The following ARAP2 variants were observed in gnomAD, a reference collection of about 807,000 sequenced individuals.
ARAP2 encodes arf-GAP with Rho-GAP domain, ANK repeat and PH domain-containing protein 2.
ARAP2 carries 148 observed loss-of-function variants against 194.5 expected under a neutral mutation model. The ratio of observed to expected loss-of-function variants is 0.76; its 90% CI spans 0.67 to 0.87. The LOEUF is 0.87. ARAP2 is among the 40% of genes least tolerant of loss of function. The pLI, the probability that ARAP2 is intolerant of heterozygous loss-of-function variation, is 0.00. For missense variants in ARAP2, 2,128 were observed against 1,989.7 expected, an observed-to-expected ratio of 1.07 and a Z score of -1.32; for synonymous variants, 695 against 683.5, an observed-to-expected ratio of 1.02 and a Z score of -0.26.
At chr4:36,200,261 AT>A (rs796559244) in intron 6 of ARAP2, among the ~76,000 whole-genome samples, 3,122 of 147,224 alleles carry the variant, frequency 0.021, 97 homozygotes, top group African/African-American at 0.072. Flanking sequence ...TTATTTATTT[AT>A]TTTTTTTTTT....
intron 9 of ARAP2, among the ~76,000 whole-genome samples, chr4:36,171,853 A>C (rs1055848908): frequency 2.0e-5 from 3 of 152,212 alleles, no homozygotes; most frequent in Non-Finnish European, 2.9e-5. Context: ...AGCAGGCATA[A>C]TTTTTAAAAA....
At chr4:36,128,799 T>C in intron 20 of ARAP2, 54 bp from the exon 21 acceptor site, 2 of 1,390,676 alleles carry the variant, frequency 1.4e-6, no homozygotes. Context: ...AAAAGCCAGT[T>C]TGATATTTTA....
chr4:36,165,995 G>A (rs1468523370), intron 10 of ARAP2, among the ~76,000 whole-genome samples: 1 of 151,966 alleles, frequency 6.6e-6, no homozygotes, highest in African/African-American at 2.4e-5. Flanking sequence ...ACTCTCAGTG[G>A]TTTCTGGTTC....
At chr4:36,148,299 T>C (rs1032574563) in intron 17 of ARAP2, 106 bp downstream of exon 17, 11 of 759,416 alleles carry the variant, frequency 1.4e-5, no homozygotes, top group East Asian at 2.9e-5. Context: ...ATGAACTTTA[T>C]TCCTACAATC....
chr4:36,120,469 C>T (rs948118749), intron 23 of ARAP2, among the ~76,000 whole-genome samples: 2 of 151,490 alleles, frequency 1.3e-5, no homozygotes, highest in Non-Finnish European at 3.0e-5. Context: ...GCCATACTTC[C>T]GGAAAACAAC....
intron 8 of ARAP2, among the ~76,000 whole-genome samples, chr4:36,014,348 A>G (rs563342166): frequency 2.2e-5 from 3 of 138,934 alleles, no homozygotes; most frequent in African/African-American, 6.5e-5. Context: ...GAAAGAAAGA[A>G]AGAAAGAAAG....
chr4:36,013,354 T>C (rs1013750599), intron 8 of ARAP2, among the ~76,000 whole-genome samples: 2 of 152,202 alleles, frequency 1.3e-5, no homozygotes, highest in African/African-American at 4.8e-5. Flanking sequence ...AAATAGTTGC[T>C]GCTAGTATAA....
At chr4:36,138,114 T>C (rs1372226269) in intron 19 of ARAP2, among the ~76,000 whole-genome samples, 1 of 151,710 alleles carries the variant, frequency 6.6e-6, no homozygotes, top group Non-Finnish European at 1.5e-5. Context: ...TTCTTTATAC[T>C]TCCTAAGCAG....
At chr4:36,022,115 C>T (rs78505089) in intron 5 of ARAP2, among the ~76,000 whole-genome samples, 1,730 of 152,240 alleles carry the variant, frequency 0.011, 36 homozygotes, top group African/African-American at 0.04. Context: ...AATATGGTCT[C>T]ATGGGACCAT....
intron 5 of ARAP2, among the ~76,000 whole-genome samples, chr4:36,036,657 G>A (rs1055300050): frequency 5.3e-5 from 8 of 151,920 alleles, no homozygotes; most frequent in South Asian, 2.1e-4. Context: ...TTTTAAATAC[G>A]TAAAATTATT....
intron 5 of ARAP2, among the ~76,000 whole-genome samples, chr4:36,029,262 T>C (rs994887593): frequency 1.3e-5 from 2 of 152,054 alleles, no homozygotes; most frequent in African/African-American, 4.8e-5. Flanking sequence ...TTATATGTCT[T>C]CTGCTCTATG....
At chr4:36,159,226 T>C in intron 14 of ARAP2, 105 bp downstream of exon 14, 2 of 1,232,622 alleles carry the variant, frequency 1.6e-6, no homozygotes, top group Non-Finnish European at 2.1e-6. Context: ...TACATTTTTC[T>C]TCATTCTGAT....
At chr4:36,014,328 A>AGGAAGGAAAGAAAGAG (rs1715326718) in intron 8 of ARAP2, among the ~76,000 whole-genome samples, 6 of 39,288 alleles carry the variant, frequency 1.5e-4, no homozygotes, top group East Asian at 5.3e-4. Context: ...GAAAGAGAGA[A>AGGAAGGAAAGAAAGAG]AGAAAGAAAG....
intron 16 of ARAP2, among the ~76,000 whole-genome samples, chr4:36,149,563 T>C (rs1578076843): frequency 6.6e-6 from 1 of 152,336 alleles, no homozygotes; most frequent in East Asian, 1.9e-4. Context: ...TCTGCATAGC[T>C]ACTTGTATCA....
At chr4:36,015,722 A>C (rs1411446092) in intron 7 of ARAP2, 3 of 152,202 alleles carry the variant, frequency 2.0e-5, no homozygotes, top group African/African-American at 7.2e-5. Flanking sequence ...TTAGCAAAGC[A>C]AGCCAAATTC....
intron 20 of ARAP2, among the ~76,000 whole-genome samples, chr4:36,131,768 T>G (rs1270351014): frequency 1.3e-5 from 2 of 151,760 alleles, no homozygotes; most frequent in Admixed American, 6.6e-5. Context: ...GTTATGCTCC[T>G]GCTAAAACAT....
rs1441942352 is a variant in ARAP2 at position 36,164,906 on chromosome 4, C to T, written c.2173+8G>A. On this transcript the variant is annotated splice_region_variant and intron_variant, in intron 11 of 32. Coordinates refer to ENST00000303965, the MANE Select transcript of ARAP2 (RefSeq NM_015230.4). ...AAGCTGTGATGAGCATAACTTGTCA[C>T]TAATTACCTGCACACTTCTTACAGA... 1.2e-6 allele frequency: 2 copies of T among 1,613,284 alleles called. No individual in the cohort carries two copies. Among genetic ancestry groups the T allele is most frequent in the East Asian group, 4.5e-5 (2 of 44,874 alleles).
intron 15 of ARAP2, among the ~76,000 whole-genome samples, chr4:36,151,777 C>T (rs1002135584): frequency 6.6e-6 from 1 of 151,758 alleles, no homozygotes; most frequent in African/African-American, 2.4e-5. Flanking sequence ...AATATATACC[C>T]GTATATACAT....
At chr4:36,202,105 TTA>T (rs936798595) in intron 6 of ARAP2, among the ~76,000 whole-genome samples, 3 of 152,196 alleles carry the variant, frequency 2.0e-5, no homozygotes, top group African/African-American at 7.2e-5. Context: ...ACAGCATATT[TTA>T]TGTTATTCCC....
Sources: gnomAD v4.1 joint callset for allele counts (sites outside exome capture counted in the v4.1 genomes callset) on GRCh38, gnomAD v4.1.1 for gene constraint, MANE v1.5 for transcripts, NCBI Gene and HGNC (gene_info 2026-07-23, HGNC 2026-07-21) for gene names.